Variants in TNRC6B observed in about 807,000 individuals in gnomAD.
TNRC6B encodes trinucleotide repeat-containing gene 6B protein.
A neutral mutation model predicts 203.6 loss-of-function variants in TNRC6B; 52 were observed. The ratio of observed to expected loss-of-function variants is 0.26; its 90% confidence interval spans 0.20 to 0.32. TNRC6B has a LOEUF of 0.32. Among genes scored for constraint, TNRC6B ranks in the 10% least tolerant of loss-of-function variants. The probability of loss-of-function intolerance (pLI) is 1.00; values close to 1 mark genes in which losing one functional copy is unlikely to be tolerated. For missense variants in TNRC6B, 1,923 were observed against 2,286.2 expected (o/e 0.84, Z 3.24); for synonymous variants, 838 against 845.7 (o/e 0.99, Z 0.16).
At chr22:40,082,522 A>G (rs749723907) in intron 1 of TNRC6B, among the ~76,000 whole-genome samples, 2 of 152,246 alleles carry the variant, frequency 1.3e-5, no homozygotes, top group Non-Finnish European at 2.9e-5. Context: ...GCTTGAAGAC[A>G]AAAAGAACGG....
intron 1 of TNRC6B, among the ~76,000 whole-genome samples, chr22:40,240,109 G>A (rs1410351744): frequency 1.3e-5 from 2 of 152,254 alleles, no homozygotes; most frequent in Non-Finnish European, 1.5e-5. Flanking sequence ...GGGATTACAG[G>A]CATGAGCAAC....
At chr22:40,197,873 A>G (rs1458537077) in intron 1 of TNRC6B, among the ~76,000 whole-genome samples, 1 of 151,908 alleles carries the variant, frequency 6.6e-6, no homozygotes, top group Non-Finnish European at 1.5e-5. Context: ...CAGCCTCCCA[A>G]AGCGCTGGGA....
chr22:40,242,209 T>TGC (rs1348176362), intron 1 of TNRC6B, among the ~76,000 whole-genome samples: 10 of 133,806 alleles, frequency 7.5e-5, no homozygotes, highest in African/African-American at 1.5e-4. Flanking sequence ...TGTGTGTGTG[T>TGC]GCATGCGCAC....
intron 3 of TNRC6B, among the ~76,000 whole-genome samples, chr22:40,136,961 C>T (rs2068605102): frequency 6.6e-6 from 1 of 152,106 alleles, no homozygotes; most frequent in African/African-American, 2.4e-5. Flanking sequence ...AATAGGGTAA[C>T]TTAGACATAA....
At chr22:40,046,822 T>A (rs1479730137) in intron 1 of TNRC6B, among the ~76,000 whole-genome samples, 1 of 151,974 alleles carries the variant, frequency 6.6e-6, no homozygotes, top group Admixed American at 6.5e-5. Flanking sequence ...TTTTTTTGTA[T>A]TTTTAGTAGA....
chr22:40,301,288 C>T lies in TNRC6B; in HGVS notation c.4075C>T (p.Leu1359Phe), dbSNP rs1191149538. ...NMVPNALNVG[L>F]PDLQTKGPIP... ...GGTACCCAACGCATTGAATGTGGGG[C>T]TCCCAGACCTTCAAACCAAAGGGCC... Residue 1359 changes from leucine to phenylalanine, a missense_variant, in exon 15 of 23, where the codon CTC becomes TTC. Leu to Phe is a conservative substitution (Grantham distance 22). Coordinates refer to ENST00000454349, the MANE Select transcript of TNRC6B (RefSeq NM_001162501.2). 38 of 1,602,066 alleles carry T rather than the reference C, an allele frequency of 2.4e-5. No homozygotes were observed. The highest frequency in any genetic ancestry group is 3.2e-5 in the Non-Finnish European group (38 of 1,173,630).
chr22:40,068,051 G>A (rs931910123), intron 1 of TNRC6B, among the ~76,000 whole-genome samples: 12 of 152,034 alleles, frequency 7.9e-5, no homozygotes, highest in South Asian at 4.1e-4. Flanking sequence ...CTTTTTTGGG[G>A]GAAAGAGGTT....
intron 1 of TNRC6B, among the ~76,000 whole-genome samples, chr22:40,215,423 G>A (rs1415327244): frequency 2.6e-5 from 4 of 152,170 alleles, no homozygotes; most frequent in Admixed American, 2.0e-4. Context: ...GTGCCAACGG[G>A]GCAGGAGAGG....
At chr22:40,153,560 A>AC (rs397758693) in intron 3 of TNRC6B, among the ~76,000 whole-genome samples, 1 of 151,636 alleles carries the variant, frequency 6.6e-6, no homozygotes, top group African/African-American at 2.4e-5. Flanking sequence ...AAAAAAAAAA[A>AC]CAAAAAGAAT....
intron 11 of TNRC6B, among the ~76,000 whole-genome samples, chr22:40,281,690 A>G (rs893070317): frequency 1.3e-5 from 2 of 152,370 alleles, no homozygotes. Context: ...ATTTAAAAAT[A>G]GGAAAACTAG....
chr22:40,123,391 C>A (rs2068461635), intron 2 of TNRC6B, among the ~76,000 whole-genome samples: 1 of 152,128 alleles, frequency 6.6e-6, no homozygotes, highest in Non-Finnish European at 1.5e-5. Context: ...ATAGGAGAAT[C>A]CAGAAAGGAT....
At chr22:40,203,193 A>G (rs878980689) in intron 1 of TNRC6B, among the ~76,000 whole-genome samples, 1 of 152,060 alleles carries the variant, frequency 6.6e-6, no homozygotes, top group South Asian at 2.1e-4. Flanking sequence ...TTTTGGTTCT[A>G]AGCTATGGGT....
intron 3 of TNRC6B, among the ~76,000 whole-genome samples, chr22:40,137,645 G>C (rs984387993): frequency 3.3e-5 from 5 of 152,148 alleles, no homozygotes; most frequent in African/African-American, 1.2e-4. Context: ...AACTATTGAA[G>C]GATGTTAAGC....
chr22:40,182,028 A>G (rs2069137751), intron 1 of TNRC6B, among the ~76,000 whole-genome samples: 1 of 151,766 alleles, frequency 6.6e-6, no homozygotes, highest in African/African-American at 2.4e-5. Context: ...AGTGGATACG[A>G]GGTCAGGAGT....
chr22:40,211,617 G>A (rs573605704), intron 1 of TNRC6B, among the ~76,000 whole-genome samples: 8 of 152,270 alleles, frequency 5.3e-5, no homozygotes, highest in East Asian at 1.9e-4. Flanking sequence ...AAGTTACTAG[G>A]AAGCCTCGGA....
chr22:40,122,096 G>A (rs950674537), intron 2 of TNRC6B, among the ~76,000 whole-genome samples: 3 of 152,168 alleles, frequency 2.0e-5, no homozygotes, highest in Non-Finnish European at 2.9e-5. Context: ...TTGGTGCCAC[G>A]CACCAGAAGT....
intron 2 of TNRC6B, among the ~76,000 whole-genome samples, chr22:40,250,593 T>A (rs2070178318): frequency 6.6e-6 from 1 of 152,222 alleles, no homozygotes; most frequent in Admixed American, 6.5e-5. Flanking sequence ...GCATAGCATA[T>A]CTGATTTAAT....
At chr22:40,155,924 G>A (rs565901512) in intron 3 of TNRC6B, among the ~76,000 whole-genome samples, 42 of 152,226 alleles carry the variant, frequency 2.8e-4, no homozygotes, top group African/African-American at 8.9e-4. Context: ...GTGTTTTGCC[G>A]ATCAACATGT....
intron 1 of TNRC6B, among the ~76,000 whole-genome samples, chr22:40,182,276 C>A (rs2069143257): frequency 6.6e-6 from 1 of 152,048 alleles, no homozygotes; most frequent in Non-Finnish European, 1.5e-5. Context: ...AAAAAAAAGC[C>A]AAATAATTAC....
Sources: gnomAD v4.1 joint callset for allele counts (sites outside exome capture counted in the v4.1 genomes callset) on GRCh38, gnomAD v4.1.1 for gene constraint, MANE v1.5 for transcripts, NCBI Gene and HGNC (gene_info 2026-07-23, HGNC 2026-07-21) for gene names.